MMP16: variants seen among roughly 807,000 people sequenced by gnomAD.
MMP16 encodes matrix metalloproteinase-16.
In MMP16, 12 loss-of-function variants were observed where a neutral mutation model predicts 67.8. The ratio of observed to expected loss-of-function variants is 0.18; its 90% CI spans 0.11 to 0.29. The LOEUF is 0.29. MMP16 is among the 10% of genes least tolerant of loss of function. The pLI is 1.00. For synonymous variants in MMP16, 249 were observed against 255.9 expected, an observed-to-expected ratio of 0.97 and a Z score of 0.26; for missense variants, 475 against 765.7, an observed-to-expected ratio of 0.62 and a Z score of 4.48.
intron 1 of MMP16, among the ~76,000 whole-genome samples, chr8:88,283,097 A>AATTAGTG (rs1810767063): frequency 6.6e-6 from 1 of 152,166 alleles, no homozygotes; most frequent in Non-Finnish European, 1.5e-5. Context: ...TTAGTGGACA[A>AATTAGTG]CACATTCTGG....
intron 9 of MMP16, among the ~76,000 whole-genome samples, chr8:88,043,328 G>A (rs1040932392): frequency 6.6e-6 from 1 of 152,090 alleles, no homozygotes; most frequent in African/African-American, 2.4e-5. Flanking sequence ...TTGCTGCCCA[G>A]GGTGGAGTGC....
chr8:88,125,729 C>T (rs1807920471), intron 4 of MMP16, among the ~76,000 whole-genome samples: 1 of 151,880 alleles, frequency 6.6e-6, no homozygotes, highest in Non-Finnish European at 1.5e-5. Flanking sequence ...TTGCACCATG[C>T]TAAAAACAAA....
chr8:88,166,801 T>C (rs1808722038), intron 4 of MMP16, among the ~76,000 whole-genome samples: 1 of 149,216 alleles, frequency 6.7e-6, no homozygotes, highest in Non-Finnish European at 1.5e-5. Flanking sequence ...ATTGAACTCC[T>C]GAGCTCAAGG....
intron 3 of MMP16, among the ~76,000 whole-genome samples, chr8:88,177,574 T>A (rs1282747634): frequency 6.6e-6 from 1 of 152,118 alleles, no homozygotes; most frequent in Non-Finnish European, 1.5e-5. Flanking sequence ...CTGAGAAAGA[T>A]CCTCTCCTGC....
At chr8:88,196,659 G>T (rs1346544789) in intron 2 of MMP16, among the ~76,000 whole-genome samples, 2 of 152,114 alleles carry the variant, frequency 1.3e-5, no homozygotes, top group Non-Finnish European at 2.9e-5. Context: ...CAGCAGTGGG[G>T]AGTTAGTAAA....
At chr8:88,075,901 C>T (rs1417200477) in intron 6 of MMP16, among the ~76,000 whole-genome samples, 2 of 146,598 alleles carry the variant, frequency 1.4e-5, no homozygotes, top group African/African-American at 2.5e-5. Context: ...TTAGCCTGAC[C>T]AAACTTTCTA....
chr8:88,211,720 T>C (rs1809515661), intron 1 of MMP16, among the ~76,000 whole-genome samples: 2 of 152,192 alleles, frequency 1.3e-5, no homozygotes, highest in Non-Finnish European at 2.9e-5. Context: ...AATTGCCTAA[T>C]TCATTTCCGT....
chr8:88,062,578 G>T (rs922628884), intron 7 of MMP16, among the ~76,000 whole-genome samples: 1 of 151,672 alleles, frequency 6.6e-6, no homozygotes, highest in Admixed American at 6.6e-5. Flanking sequence ...AACACTGCTT[G>T]TTCTCACTCA....
At position 88,266,472 on chromosome 8, in the gene MMP16, T is replaced by TGGAG. The variant is rs1349238533; in HGVS notation, c.132+60602_132+60603insCTCC. On this transcript the variant is annotated intron_variant, in intron 1 of 9. Transcript: ENST00000286614. ...TCATCTGGAGTATAAATTTATCATT[T>TGGAG]TATAGATCAGATAACTTAGTGAAAT... 1.4e-3 allele frequency among the ~76,000 whole-genome samples: 209 copies of TGGAG among 152,320 alleles called. 2 individuals are homozygous for TGGAG. Among genetic ancestry groups the TGGAG allele is most frequent in the African/African-American group, 4.2e-3 (176 of 41,568 alleles).
At chr8:88,155,129 GT>G (rs1030925693) in intron 4 of MMP16, among the ~76,000 whole-genome samples, 12 of 151,900 alleles carry the variant, frequency 7.9e-5, no homozygotes, top group African/African-American at 2.9e-4. Flanking sequence ...TGAATGTTTG[GT>G]CCAAATTTTG....
intron 6 of MMP16, among the ~76,000 whole-genome samples, chr8:88,086,562 C>G (rs1219523651): frequency 6.6e-6 from 1 of 151,866 alleles, no homozygotes; most frequent in East Asian, 1.9e-4. Context: ...AAAATGGGAA[C>G]TACCCTTTAG....
intron 1 of MMP16, among the ~76,000 whole-genome samples, chr8:88,236,902 T>C (rs1042328644): frequency 6.6e-6 from 1 of 152,160 alleles, no homozygotes; most frequent in Non-Finnish European, 1.5e-5. Context: ...TCATGCTACA[T>C]AGCACTTAAG....
At chr8:88,260,556 T>C (rs1255774633) in intron 1 of MMP16, among the ~76,000 whole-genome samples, 2 of 152,096 alleles carry the variant, frequency 1.3e-5, no homozygotes, top group Non-Finnish European at 2.9e-5. Context: ...AACAGGATAT[T>C]ATCTCTCCAT....
chr8:88,202,631 A>G (rs1435033312), intron 1 of MMP16, among the ~76,000 whole-genome samples: 2 of 152,030 alleles, frequency 1.3e-5, no homozygotes, highest in Non-Finnish European at 2.9e-5. Context: ...TATAGTGTAC[A>G]TGCACATACA....
rs79996486 is a variant in MMP16 at position 88,082,208 on chromosome 8, A to G, written c.1084-7465T>C. 1.4e-3 allele frequency among the ~76,000 whole-genome samples: 209 copies of G among 152,006 alleles called. 1 individual carries two copies. Among genetic ancestry groups the G allele is most frequent in the African/African-American group, 4.5e-3 (186 of 41,466 alleles). ...TTTATAAATGTAGGGAAAGATACTCAACTTCACTCATAAGTAAAATGCAAA... is the reference window on the plus strand; with the variant it reads ...TTTATAAATGTAGGGAAAGATACTCGACTTCACTCATAAGTAAAATGCAAA... On this transcript the variant is annotated intron_variant, in intron 6 of 9. Transcript: ENST00000286614.
rs34642278 is a variant in MMP16 at position 88,286,580 on chromosome 8, A to ATT, written c.132+40493_132+40494dup. 1.3e-4 allele frequency among the ~76,000 whole-genome samples: 20 copies of ATT among 149,076 alleles called. 1 individual carries two copies. In the South Asian group the frequency reaches 4.1e-3, roughly 30 times the overall value. On this transcript the variant is annotated intron_variant, in intron 1 of 9. Coordinates refer to ENST00000286614, the MANE Select transcript of MMP16 (RefSeq NM_005941.5). Reference sequence around the variant, plus strand: ...ACATGAGTCAGAGACCTGGAACTCAATTTTTTTTTTTTTAAGATGGAGTCT... The same window carrying ATT: ...ACATGAGTCAGAGACCTGGAACTCAATTTTTTTTTTTTTTTAAGATGGAGTCT...
intron 1 of MMP16, among the ~76,000 whole-genome samples, chr8:88,320,506 A>G (rs1811442288): frequency 6.6e-6 from 1 of 152,156 alleles, no homozygotes. Context: ...TCTTTGTTAT[A>G]CTGCCATGCC....
chr8:88,141,686 C>A (rs1259520422), intron 4 of MMP16, among the ~76,000 whole-genome samples: 1 of 152,100 alleles, frequency 6.6e-6, no homozygotes, highest in Non-Finnish European at 1.5e-5. Flanking sequence ...TTATTATTTG[C>A]AATTTATTAT....
chr8:88,149,285 G>A (rs1306921061), intron 4 of MMP16, among the ~76,000 whole-genome samples: 1 of 152,222 alleles, frequency 6.6e-6, no homozygotes, highest in South Asian at 2.1e-4. Context: ...GGCTGGGTGA[G>A]GGGCGCCCGC....
Sources: allele counts gnomAD v4.1 joint callset (sites outside exome capture counted in the v4.1 genomes callset), GRCh38; gene constraint gnomAD v4.1.1; transcripts MANE v1.5; gene names NCBI Gene and HGNC (gene_info 2026-07-23, HGNC 2026-07-21).